RAB37: variants seen among roughly 807,000 people sequenced by gnomAD.
RAB37 encodes the protein ras-related protein Rab-37.
In RAB37, 29 loss-of-function variants were observed where a neutral mutation model predicts 33.1. The observed-to-expected ratio is 0.88, with a 90% CI of 0.65 to 1.20. The LOEUF (loss-of-function observed/expected upper bound fraction) is 1.20, where lower values mean the gene tolerates loss of function less well. RAB37 is among the 50% of genes most tolerant of loss of function. RAB37 has a pLI of 0.00. For synonymous variants in RAB37, 128 were observed against 119.5 expected (o/e 1.07, Z -0.47); for missense variants, 299 against 301.1 (o/e 0.99, Z 0.05).
At chr17:74,734,855 A>AAAAG (rs944644605), upstream of RAB37, among the ~76,000 whole-genome samples, 5 of 151,554 alleles carry the variant, frequency 3.3e-5, no homozygotes, top group South Asian at 4.2e-4. Flanking sequence ...GAAAGAAACA[A>AAAAG]AAAGAAAGAA....
intron 1 of RAB37, chr17:74,673,008 T>A (rs1228497579): frequency 1.3e-5 from 2 of 152,164 alleles, no homozygotes; most frequent in Non-Finnish European, 2.9e-5. Context: ...GGAGAAAAAA[T>A]GTATAACAAC....
intron 1 of RAB37, among the ~76,000 whole-genome samples, chr17:74,714,504 C>T (rs984952034): frequency 1.3e-5 from 2 of 151,958 alleles, no homozygotes; most frequent in African/African-American, 2.4e-5. Context: ...ACAAGAGGCG[C>T]TTTGTCCTGA....
intron 1 of RAB37, among the ~76,000 whole-genome samples, chr17:74,710,840 C>T (rs1483493751): frequency 6.6e-6 from 1 of 151,594 alleles, no homozygotes; most frequent in African/African-American, 2.4e-5. Context: ...GCACTCCAGC[C>T]TGAGTGACAG....
At chr17:74,715,849 G>A (rs147155947) in intron 1 of RAB37, among the ~76,000 whole-genome samples, 302 of 152,124 alleles carry the variant, frequency 2.0e-3, no homozygotes, top group Non-Finnish European at 3.8e-3. Flanking sequence ...CCAACATGTC[G>A]AAACCCCATC....
At chr17:74,743,898 C>T (rs949110966) in intron 5 of RAB37, among the ~76,000 whole-genome samples, 11 of 152,158 alleles carry the variant, frequency 7.2e-5, no homozygotes, top group Non-Finnish European at 1.5e-4. Context: ...GAGGAAAATC[C>T]ATGGCACTCA....
chr17:74,712,353 C>T (rs748152435), intron 1 of RAB37, among the ~76,000 whole-genome samples: 11 of 152,224 alleles, frequency 7.2e-5, no homozygotes, highest in Admixed American at 6.5e-4. Flanking sequence ...CTACTATTTC[C>T]TTCTGCCCCA....
rs1476535169 is a variant in RAB37 at position 74,738,257 on chromosome 17, C to G, written c.93+892C>G. Among the ~76,000 whole-genome samples, 1 of 152,150 alleles carries G rather than the reference C, an allele frequency of 6.6e-6. No homozygotes were observed. Among genetic ancestry groups the G allele is most frequent in the Non-Finnish European group, 1.5e-5 (1 of 68,034 alleles). ...AGGAGACCTGCCTCTCTCTGGGCCT[C>G]GGTTTCCTCCCCGACACCAGGGCTC... On this transcript the variant is annotated intron_variant, in intron 1 of 8. Transcript: ENST00000392613. This position sits in a 1 kb window ranked among gnomAD's most constrained non-coding sequence, Gnocchi z 5.0.
chr17:74,686,967 C>T (rs990860064), intron 1 of RAB37, among the ~76,000 whole-genome samples: 4 of 152,204 alleles, frequency 2.6e-5, no homozygotes, highest in African/African-American at 9.6e-5. Flanking sequence ...CGTGGAAACC[C>T]TCTGCGTCAT....
rs2034526843 is a variant in RAB37, at chr17:74,738,233, G to A, written c.93+868G>A. On this transcript the variant is annotated intron_variant, in intron 1 of 8. Coordinates refer to ENST00000392613, the MANE Select transcript of RAB37 (RefSeq NM_001006638.3). The surrounding 1 kb of genome is among the most constrained non-coding windows in gnomAD (Gnocchi z 5.0). ...CTGGATTCCGCTGCATGGCCTTGAA[G>A]GAGACCTGCCTCTCTCTGGGCCTCG... is the stretch of plus-strand genomic sequence containing the variant. 6.6e-6 allele frequency among the ~76,000 whole-genome samples: 1 copy of A among 152,172 alleles called. No homozygotes were observed. Among genetic ancestry groups the A allele is most frequent in the South Asian group, 2.1e-4 (1 of 4,822 alleles).
rs141035209 is a variant in RAB37, at chr17:74,716,294, A to ATG, written c.73-12951_73-12950dup. Among the ~76,000 whole-genome samples the ATG allele has an allele frequency of 5.3e-5, 8 of 152,102 alleles. No homozygotes were observed. The South Asian group carries it at 6.2e-4, about 12-fold the overall frequency. ...CTCTAACGCACCTATGTATGTATGT[A>ATG]TGTGTGTGTGTGCATGTATGTACGT... On this transcript the variant is annotated intron_variant, in intron 1 of 7. Coordinates refer to the RAB37 transcript ENST00000340415.
Position 74,745,240 on chromosome 17 carries a change from G to T in RAB37, c.567-66G>T. 6.4e-7 allele frequency: 1 copy of T among 1,551,146 alleles called. No individual in the cohort carries two copies. Among genetic ancestry groups the T allele is most frequent in the Non-Finnish European group, 8.9e-7 (1 of 1,123,890 alleles). ...AGCACTGGGCCACTGGGAGAGGGGA[G>T]GGGGCGGCTCAGCTCCTCACCCCAG... On this transcript the variant is annotated intron_variant, in intron 8 of 8. Coordinates refer to ENST00000392613, the MANE Select transcript of RAB37 (RefSeq NM_001006638.3). The surrounding 1 kb of genome is among the most constrained non-coding windows in gnomAD (Gnocchi z 4.5).
chr17:74,739,813 G>A (rs1164513196), intron 1 of RAB37, among the ~76,000 whole-genome samples: 3 of 151,890 alleles, frequency 2.0e-5, no homozygotes, highest in African/African-American at 7.3e-5. Context: ...TTACACACAT[G>A]AGCTACTGCA....
Position 74,746,930 on chromosome 17 carries a change from G to C in RAB37, c.*1519G>C, listed in dbSNP as rs2034773030. 1 of 152,236 alleles carries C rather than the reference G, an allele frequency of 6.6e-6. No homozygotes were observed. The highest frequency in any genetic ancestry group is 2.1e-4 in the South Asian group (1 of 4,830). The allele number at this position is 152,236 out of a possible 1,614,324, so 9.4% of individuals were successfully genotyped here. On this transcript the variant is annotated 3_prime_UTR_variant, in exon 9 of 9. Transcript: ENST00000392613. The surrounding 1 kb of genome is among the most constrained non-coding windows in gnomAD (Gnocchi z 5.2). The stretch of plus-strand genomic sequence containing the variant: ...CATGTGGGTATGTCTGGGGTAGAGA[G>C]AGGGGTAGCAAGTTCATGTGTCCTC...
At chr17:74,741,587 G>GAAAAA (rs535783718) in intron 2 of RAB37, among the ~76,000 whole-genome samples, 8,201 of 126,838 alleles carry the variant, frequency 0.065, 1,025 homozygotes, top group African/African-American at 0.25. Context: ...CTGCGTCTCA[G>GAAAAA]AAAAAAAAAA....
At chr17:74,717,460 A>T (rs1429366518) in intron 1 of RAB37, among the ~76,000 whole-genome samples, 1 of 152,170 alleles carries the variant, frequency 6.6e-6, no homozygotes, top group Non-Finnish European at 1.5e-5. Flanking sequence ...TTTGGAGAGT[A>T]ACTAGGTCAG....
intron 1 of RAB37, chr17:74,704,309 T>C: frequency 1.7e-6 from 1 of 604,098 alleles, no homozygotes; most frequent in Non-Finnish European, 2.9e-6. Context: ...CATGGGGGCA[T>C]TGAAGAGAGG....
chr17:74,727,644 T>A (rs2034321523), intron 1 of RAB37, among the ~76,000 whole-genome samples: 2 of 152,224 alleles, frequency 1.3e-5, no homozygotes, highest in Admixed American at 6.5e-5. Context: ...AGCACGGCAG[T>A]GGGGACCATC....
chr17:74,738,593 G>A lies in RAB37; in HGVS notation c.93+1228G>A, dbSNP rs970918585. Among the ~76,000 whole-genome samples, 4 of 152,162 alleles carry A rather than the reference G, an allele frequency of 2.6e-5. No individual in the cohort carries two copies. The highest frequency in any genetic ancestry group is 5.9e-5 in the Non-Finnish European group (4 of 68,020). ...CGTTTGCTCAAGGCAGCTGTGATCT[G>A]TAAAGTACACAAAGACTGGCCCTCC... is the stretch of plus-strand genomic sequence containing the variant. On this transcript the variant is annotated intron_variant, in intron 1 of 8. Transcript: ENST00000392613. The surrounding 1 kb of genome is among the most constrained non-coding windows in gnomAD (Gnocchi z 5.0).
At chr17:74,736,829 GC>G (rs2034482191), upstream of RAB37, 14 of 1,532,654 alleles carry the variant, frequency 9.1e-6, no homozygotes, top group Non-Finnish European at 1.1e-5. Flanking sequence ...CGGAGGCGCA[GC>G]CCAGGGGTCC....
Sources: allele counts gnomAD v4.1 joint callset (sites outside exome capture counted in the v4.1 genomes callset), GRCh38; gene constraint gnomAD v4.1.1; non-coding constraint Gnocchi (gnomAD v3.1); transcripts MANE v1.5; gene names NCBI Gene and HGNC (gene_info 2026-07-23, HGNC 2026-07-21).